Variants in ANO3 observed in about 807,000 individuals in gnomAD.
ANO3 encodes anoctamin-3.
A neutral mutation model predicts 144.8 loss-of-function variants in ANO3; 99 were observed. The observed-to-expected ratio is 0.68, with a 90% confidence interval of 0.58 to 0.81. ANO3 has a LOEUF of 0.81. ANO3 is among the 30% of genes least tolerant of loss of function. The pLI is 0.00. For missense variants in ANO3, 905 were observed against 1,202.2 expected, an observed-to-expected ratio of 0.75 and a Z score of 3.66; for synonymous variants, 414 against 392.6, an observed-to-expected ratio of 1.05 and a Z score of -0.64.
At chr11:26,268,514 G>T (rs1048935747) in intron 1 of ANO3, among the ~76,000 whole-genome samples, 10 of 152,184 alleles carry the variant, frequency 6.6e-5, no homozygotes, top group Middle Eastern at 3.4e-3. Context: ...AATGTCAAAG[G>T]TCTCTTTTAC....
At chr11:26,516,344 G>GT (rs929691184) in intron 5 of ANO3, among the ~76,000 whole-genome samples, 7 of 151,488 alleles carry the variant, frequency 4.6e-5, no homozygotes, top group African/African-American at 1.7e-4. Context: ...TTTATACCCA[G>GT]TTTTTTCCAG....
intron 3 of ANO3, among the ~76,000 whole-genome samples, chr11:26,448,724 A>C (rs972430056): frequency 3.9e-5 from 4 of 103,242 alleles, no homozygotes; most frequent in Non-Finnish European, 8.0e-5. Flanking sequence ...CTGAAGGAAC[A>C]TATTTTTCAG....
At chr11:26,220,003 T>C (rs1852110454) in intron 1 of ANO3, among the ~76,000 whole-genome samples, 1 of 152,212 alleles carries the variant, frequency 6.6e-6, no homozygotes, top group Non-Finnish European at 1.5e-5. Flanking sequence ...CCAGATATTT[T>C]CCTTCTTATC....
intron 4 of ANO3, among the ~76,000 whole-genome samples, chr11:26,485,293 G>A (rs1860399628): frequency 6.6e-6 from 1 of 152,062 alleles, no homozygotes; most frequent in African/African-American, 2.4e-5. Flanking sequence ...CTGGTGGAAT[G>A]GGAATGGATC....
chr11:26,422,599 G>C (rs1315525691), intron 1 of ANO3, among the ~76,000 whole-genome samples: 2 of 151,948 alleles, frequency 1.3e-5, no homozygotes, highest in African/African-American at 2.4e-5. Flanking sequence ...GGGTTTACAG[G>C]TTATTCTTGA....
intron 1 of ANO3, among the ~76,000 whole-genome samples, chr11:26,338,588 A>G (rs553249969): frequency 6.6e-6 from 1 of 152,284 alleles, no homozygotes; most frequent in South Asian, 2.1e-4. Flanking sequence ...GCTTTTTATA[A>G]TAAATCTTGC....
At position 26,459,161 on chromosome 11, in the gene ANO3, G is replaced by T. The variant is rs2134051652; in HGVS notation, c.314-3869G>T. ...CTGGATTGGAGGGCATGAGGGTAGA[G>T]CTGTAGGAGCTGGACAGGGAATGAT... is the stretch of plus-strand genomic sequence containing the variant. On this transcript the variant is annotated intron_variant, in intron 3 of 26. Coordinates refer to ENST00000256737, the MANE Select transcript of ANO3 (RefSeq NM_031418.4). Among the ~76,000 whole-genome samples the T allele has an allele frequency of 2.6e-5, 4 of 152,212 alleles. No individual in the cohort carries two copies. In the Middle Eastern group the frequency reaches 0.014, roughly 518 times the overall value.
At chr11:26,426,839 C>T (rs4394800) in intron 1 of ANO3, among the ~76,000 whole-genome samples, 27,347 of 152,138 alleles carry the variant, frequency 0.18, 4,022 homozygotes, top group African/African-American at 0.41. Context: ...AACTGTTAGA[C>T]GTAGAAACAT....
chr11:26,289,543 AT>A (rs1411910154), intron 1 of ANO3, among the ~76,000 whole-genome samples: 7,052 of 137,210 alleles, frequency 0.051, 1,168 homozygotes, highest in African/African-American at 0.19. Context: ...GAATATATAT[AT>A]TCTATATGTG....
intron 1 of ANO3, among the ~76,000 whole-genome samples, chr11:26,441,080 G>C (rs146057070): frequency 1.8e-3 from 260 of 147,618 alleles, no homozygotes; most frequent in African/African-American, 6.1e-3. Flanking sequence ...CACAGGGTTG[G>C]TGTCTTGATC....
chr11:26,452,721 T>A (rs1858993739), intron 3 of ANO3, among the ~76,000 whole-genome samples: 1 of 151,938 alleles, frequency 6.6e-6, no homozygotes, highest in Middle Eastern at 3.2e-3. Flanking sequence ...ATTCAGGAAA[T>A]ACAGAGAACA....
At chr11:26,527,639 A>C (rs1469980041) in intron 7 of ANO3, among the ~76,000 whole-genome samples, 1 of 152,162 alleles carries the variant, frequency 6.6e-6, no homozygotes, top group Non-Finnish European at 1.5e-5. Context: ...TTTTCCTCAC[A>C]TGCTTAGTTT....
chr11:26,511,429 T>A (rs12290955), intron 5 of ANO3, among the ~76,000 whole-genome samples: 6,452 of 152,038 alleles, frequency 0.042, 305 homozygotes, highest in African/African-American at 0.11. Flanking sequence ...CAAAAAAAAA[T>A]TTTTTATACT....
chr11:26,386,692 A>G (rs1024990618), intron 1 of ANO3, among the ~76,000 whole-genome samples: 5 of 152,304 alleles, frequency 3.3e-5, no homozygotes, highest in African/African-American at 1.2e-4. Context: ...GCTTTATCCT[A>G]TAGAATGTAA....
chr11:26,410,799 T>C (rs1365389710), intron 1 of ANO3, among the ~76,000 whole-genome samples: 3 of 151,962 alleles, frequency 2.0e-5, no homozygotes, highest in South Asian at 4.1e-4. Context: ...GAGGGAGCCA[T>C]TGACAATTTT....
chr11:26,531,318 G>A lies in ANO3; in HGVS notation c.851G>A (p.Ser284Asn). The A allele has an allele frequency of 6.2e-7, 1 of 1,610,732 alleles. No individual in the cohort carries two copies. Among genetic ancestry groups the A allele is most frequent in the Non-Finnish European group, 8.5e-7 (1 of 1,178,616 alleles). Residue 284 changes from serine to asparagine, a missense_variant, in exon 8 of 27, where the codon AGC (serine) becomes AAC (asparagine). By Grantham distance (46) the Ser-to-Asn change is conservative. This residue lies in a region of ANO3 where 597 missense variants were observed against 865.1 expected (regional missense o/e 0.69). Transcript: ENST00000256737. The part of the protein sequence containing the change: ...EESDCYTGPF[S>N]RARIHHFIIN... ...TCAGACTGCTATACTGGCCCCTTCA[G>A]CCGTGCACGGATTCACCAGTGAGTT... is the stretch of plus-strand genomic sequence containing the variant.
At chr11:26,366,411 C>A (rs184378322) in intron 1 of ANO3, among the ~76,000 whole-genome samples, 1 of 152,040 alleles carries the variant, frequency 6.6e-6, no homozygotes, top group African/African-American at 2.4e-5. Flanking sequence ...TGGGTTGGTT[C>A]CAAGTCTTTG....
At chr11:26,335,250 T>C (rs1405482941) in intron 1 of ANO3, among the ~76,000 whole-genome samples, 1 of 152,218 alleles carries the variant, frequency 6.6e-6, no homozygotes, top group Non-Finnish European at 1.5e-5. Flanking sequence ...TGCAGAGTTA[T>C]AAGGTGTTTA....
chr11:26,589,600 C>T (rs762770026), intron 14 of ANO3, among the ~76,000 whole-genome samples: 5 of 152,010 alleles, frequency 3.3e-5, no homozygotes, highest in Admixed American at 1.3e-4. Flanking sequence ...CCCTATTTTC[C>T]CCCAAAAGTC....
Sources: gnomAD v4.1 joint callset for allele counts (sites outside exome capture counted in the v4.1 genomes callset) on GRCh38, gnomAD v4.1.1 for gene constraint, gnomAD v4.1.1 regional missense constraint, MANE v1.5 for transcripts, NCBI Gene and HGNC (gene_info 2026-07-23, HGNC 2026-07-21) for gene names.